The following TBC1D5 variants were observed in gnomAD, a reference collection of about 807,000 sequenced individuals.
TBC1D5 encodes TBC1 domain family member 5.
Under a neutral mutation model 100.3 loss-of-function variants are expected in TBC1D5, and 75 were observed. That is an observed-to-expected ratio of 0.75 (90% CI 0.62 to 0.91). TBC1D5 has a LOEUF of 0.91. Among genes scored for constraint, TBC1D5 ranks in the 40% least tolerant of loss-of-function variants. The probability of loss-of-function intolerance (pLI) is 0.00; values close to 1 mark genes in which losing one functional copy is unlikely to be tolerated. For synonymous variants in TBC1D5, 323 were observed against 325.6 expected (o/e 0.99, Z 0.09); for missense variants, 910 against 942.4 (o/e 0.97, Z 0.45).
intron 2 of TBC1D5, among the ~76,000 whole-genome samples, chr3:17,515,561 G>C (rs1003369853): frequency 1.3e-5 from 2 of 152,124 alleles, no homozygotes; most frequent in African/African-American, 4.8e-5. Flanking sequence ...ACTTATGTAA[G>C]GTCACAGGGC....
At chr3:17,569,595 A>G (rs927967320) in intron 2 of TBC1D5, among the ~76,000 whole-genome samples, 1 of 151,700 alleles carries the variant, frequency 6.6e-6, no homozygotes, top group South Asian at 2.1e-4. Context: ...TATGAAACAG[A>G]GCAAATAAAA....
At chr3:17,587,373 G>A (rs2096739245) in intron 2 of TBC1D5, among the ~76,000 whole-genome samples, 1 of 151,914 alleles carries the variant, frequency 6.6e-6, no homozygotes, top group Admixed American at 6.6e-5. Context: ...CATATAAAAA[G>A]ATAGCAGCAG....
At chr3:17,376,528 G>C (rs778671549) in exon 10 of TBC1D5, 1 of 1,608,806 alleles carries the variant, frequency 6.2e-7, no homozygotes, top group Non-Finnish European at 8.5e-7. Flanking sequence ...AACTTGCCTG[G>C]GCTGTGCAGA....
At chr3:17,470,616 C>T (rs1415061682) in intron 3 of TBC1D5, among the ~76,000 whole-genome samples, 1 of 151,978 alleles carries the variant, frequency 6.6e-6, no homozygotes, top group Non-Finnish European at 1.5e-5. Flanking sequence ...TGTGAGAAAT[C>T]TGAATTAAAA....
chr3:17,729,878 G>C (rs2076415940), intron 1 of TBC1D5, among the ~76,000 whole-genome samples: 1 of 152,182 alleles, frequency 6.6e-6, no homozygotes, highest in South Asian at 2.1e-4. Context: ...GGAGGCCAAG[G>C]CGGGCGAATC....
At chr3:17,236,627 C>T (rs952022555) in intron 17 of TBC1D5, among the ~76,000 whole-genome samples, 31 of 151,996 alleles carry the variant, frequency 2.0e-4, no homozygotes, top group African/African-American at 6.3e-4. Context: ...CTGGGACTAC[C>T]GGCATGCACC....
Position 17,702,078 on chromosome 3 carries a change from T to C in TBC1D5, c.-101+37265A>G, listed in dbSNP as rs568863063. The C allele has an allele frequency of 1.2e-3, 186 of 152,288 alleles. 2 individuals are homozygous for C. The highest frequency in any genetic ancestry group is 4.1e-3 in the African/African-American group (171 of 41,576). 9.4% of individuals were successfully genotyped at this position (152,288 alleles called of 1,614,324 possible). ...ATGAAATAAAAAAATTACAGTCTTA[T>C]ATTAGCTAAGGCTGAATATATTTTC... On this transcript the variant is annotated intron_variant, in intron 1 of 21. Coordinates refer to ENST00000253692, the Ensembl canonical transcript of TBC1D5.
At chr3:17,436,687 C>T (rs2094541568) in intron 3 of TBC1D5, among the ~76,000 whole-genome samples, 1 of 151,982 alleles carries the variant, frequency 6.6e-6, no homozygotes, top group African/African-American at 2.4e-5. Flanking sequence ...AATATAAAGC[C>T]ATATAATTTC....
At chr3:17,692,387 CA>C (rs1490813876) in intron 1 of TBC1D5, among the ~76,000 whole-genome samples, 1 of 152,188 alleles carries the variant, frequency 6.6e-6, no homozygotes, top group Non-Finnish European at 1.5e-5. Flanking sequence ...TCACCACACC[CA>C]GCCTAAAATT....
intron 13 of TBC1D5, among the ~76,000 whole-genome samples, chr3:17,339,299 T>C (rs527948077): frequency 2.2e-4 from 34 of 152,366 alleles, no homozygotes; most frequent in Non-Finnish European, 4.1e-4. Context: ...CATCTACTTA[T>C]GTTTGTCAGA....
intron 1 of TBC1D5, among the ~76,000 whole-genome samples, chr3:17,718,009 T>C (rs2075376957): frequency 6.6e-6 from 1 of 152,166 alleles, no homozygotes; most frequent in Non-Finnish European, 1.5e-5. Flanking sequence ...TGGTTTTTCC[T>C]TCCTCTTCTC....
chr3:17,492,082 T>C (rs1396057075), intron 3 of TBC1D5, among the ~76,000 whole-genome samples: 1 of 152,234 alleles, frequency 6.6e-6, no homozygotes, highest in Admixed American at 6.5e-5. Flanking sequence ...TTTATTTGCA[T>C]AGAGTTGTTC....
intron 18 of TBC1D5, among the ~76,000 whole-genome samples, chr3:17,202,721 G>T (rs2071622666): frequency 2.0e-5 from 3 of 152,210 alleles, no homozygotes; most frequent in Non-Finnish European, 4.4e-5. Context: ...GATATCGCAG[G>T]CTGTTGCTCC....
chr3:17,337,060 A>G (rs942881801), intron 13 of TBC1D5, among the ~76,000 whole-genome samples: 2 of 151,352 alleles, frequency 1.3e-5, no homozygotes, highest in Admixed American at 6.6e-5. Flanking sequence ...AAAAAAGTCA[A>G]TGGCATTCTG....
At chr3:17,690,807 C>G (rs1015207335) in intron 1 of TBC1D5, among the ~76,000 whole-genome samples, 4 of 152,204 alleles carry the variant, frequency 2.6e-5, no homozygotes, top group African/African-American at 9.7e-5. Context: ...CATGGAAAAA[C>G]TGTCTTCCAC....
intron 13 of TBC1D5, among the ~76,000 whole-genome samples, chr3:17,314,370 TG>T (rs1162273095): frequency 6.6e-6 from 1 of 152,188 alleles, no homozygotes; most frequent in Non-Finnish European, 1.5e-5. Flanking sequence ...GTCTTCTCCC[TG>T]GGCTTCCCCT....
chr3:17,321,861 A>ATACAGTAATTTCACTCTGTT (rs2085450312), intron 13 of TBC1D5, among the ~76,000 whole-genome samples: 1 of 152,234 alleles, frequency 6.6e-6, no homozygotes, highest in Admixed American at 6.5e-5. Context: ...CATTCTATGG[A>ATACAGTAATTTCACTCTGTT]TACAGTAATT....
At chr3:17,214,260 T>C in exon 18 of TBC1D5, 1 of 1,613,588 alleles carries the variant, frequency 6.2e-7, no homozygotes, top group South Asian at 1.1e-5. Flanking sequence ...GAGATGTTGC[T>C]AAAAAAGGAA....
intron 1 of TBC1D5, among the ~76,000 whole-genome samples, chr3:17,723,101 T>C (rs1327851056): frequency 6.6e-6 from 1 of 152,194 alleles, no homozygotes; most frequent in East Asian, 1.9e-4. Context: ...ATAGTGCAAC[T>C]ATTATTAACT....
Sources: gnomAD v4.1 joint callset for allele counts (sites outside exome capture counted in the v4.1 genomes callset) on GRCh38, gnomAD v4.1.1 for gene constraint, MANE v1.5 for transcripts, NCBI Gene and HGNC (gene_info 2026-07-23, HGNC 2026-07-21) for gene names.